Variants in ABLIM3 observed in about 807,000 individuals in gnomAD.
ABLIM3 encodes actin binding LIM protein family member 3, also known as actin-binding LIM protein 3.
ABLIM3 carries 61 observed loss-of-function variants against 109.5 expected under a neutral mutation model. The ratio of observed to expected loss-of-function variants is 0.56; its 90% CI spans 0.45 to 0.69. The LOEUF is 0.69. ABLIM3 is among the 30% of genes least tolerant of loss of function. The pLI is 0.00. For synonymous variants in ABLIM3, 300 were observed against 324.8 expected, an observed-to-expected ratio of 0.92 and a Z score of 0.82; for missense variants, 796 against 889.5, an observed-to-expected ratio of 0.89 and a Z score of 1.34.
At chr5:149,168,838 T>C (rs1242382289) in intron 2 of ABLIM3, among the ~76,000 whole-genome samples, 1 of 152,142 alleles carries the variant, frequency 6.6e-6, no homozygotes, top group Non-Finnish European at 1.5e-5. Flanking sequence ...GTGAAGATCT[T>C]CTTTCTAGTC....
At chr5:149,148,967 A>T (rs1561530750) in intron 2 of ABLIM3, among the ~76,000 whole-genome samples, 1 of 152,228 alleles carries the variant, frequency 6.6e-6, no homozygotes, top group East Asian at 1.9e-4. Flanking sequence ...TACTGCTCCT[A>T]CTCATTTTAT....
intron 7 of ABLIM3, among the ~76,000 whole-genome samples, chr5:149,212,153 A>G (rs1480126593): frequency 6.6e-6 from 1 of 152,248 alleles, no homozygotes; most frequent in Non-Finnish European, 1.5e-5. Context: ...AAGGACTAAC[A>G]TGATAAGATC....
intron 21 of ABLIM3, 122 bp from the exon 22 acceptor site, chr5:149,252,079 T>A (rs1209917254): frequency 3.3e-5 from 37 of 1,113,918 alleles, no homozygotes; most frequent in Middle Eastern, 2.1e-4. Flanking sequence ...TCTCTGATGG[T>A]CAAGAGAAGG....
rs543606439 is a variant in ABLIM3 at position 149,176,120 on chromosome 5, T to C, written c.14-7332T>C. On this transcript the variant is annotated intron_variant, in intron 2 of 23. Coordinates refer to ENST00000309868, the MANE Select transcript of ABLIM3 (RefSeq NM_014945.5). Reference sequence around the variant, plus strand: ...CAGAGGACTCGTACTTCCACCCTGCTGCAGCTGCCAACACCTGCAGCACTT... The same window carrying C: ...CAGAGGACTCGTACTTCCACCCTGCCGCAGCTGCCAACACCTGCAGCACTT... Among the ~76,000 whole-genome samples the C allele has an allele frequency of 1.3e-4, 20 of 152,282 alleles. No homozygotes were observed. The East Asian group carries it at 3.9e-3, about 29-fold the overall frequency.
chr5:149,209,679 G>A (rs74924414), intron 6 of ABLIM3, among the ~76,000 whole-genome samples: 6 of 152,140 alleles, frequency 3.9e-5, no homozygotes, highest in African/African-American at 1.4e-4. Flanking sequence ...CTACCCTCCC[G>A]CACCCACAGA....
At chr5:149,179,849 G>A (rs1399045026) in intron 2 of ABLIM3, among the ~76,000 whole-genome samples, 1 of 152,128 alleles carries the variant, frequency 6.6e-6, no homozygotes, top group Non-Finnish European at 1.5e-5. Flanking sequence ...GTGCCCAGTG[G>A]TCACCTGTGA....
At chr5:149,175,553 G>A (rs1007770881) in intron 2 of ABLIM3, among the ~76,000 whole-genome samples, 1 of 152,050 alleles carries the variant, frequency 6.6e-6, no homozygotes, top group African/African-American at 2.4e-5. Flanking sequence ...TTTGAAAGAG[G>A]CCCTGTGCTG....
intron 8 of ABLIM3, chr5:149,220,416 A>G (rs1485462356): frequency 6.6e-6 from 1 of 152,196 alleles, no homozygotes; most frequent in African/African-American, 2.4e-5. Flanking sequence ...CCTTCTCATT[A>G]ATTATCCCCA....
At chr5:149,192,827 G>GA (rs1229710242) in intron 3 of ABLIM3, among the ~76,000 whole-genome samples, 1 of 144,748 alleles carries the variant, frequency 6.9e-6, no homozygotes, top group Non-Finnish European at 1.5e-5. Context: ...TTCCTAAAAA[G>GA]AAAAAAATAA....
At chr5:149,218,296 G>A (rs1477691978) in intron 8 of ABLIM3, 9 of 152,280 alleles carry the variant, frequency 5.9e-5, no homozygotes, top group Non-Finnish European at 1.2e-4. Flanking sequence ...TCCACATGGT[G>A]GAAGGGGCAA....
chr5:149,224,221 C>G (rs1169803945), intron 8 of ABLIM3, among the ~76,000 whole-genome samples: 1 of 152,124 alleles, frequency 6.6e-6, no homozygotes, highest in African/African-American at 2.4e-5. Flanking sequence ...TAGGGCCTGG[C>G]ACATACTAAG....
chr5:149,197,477 A>C (rs781125249), intron 3 of ABLIM3, among the ~76,000 whole-genome samples: 1 of 152,036 alleles, frequency 6.6e-6, no homozygotes, highest in Non-Finnish European at 1.5e-5. Context: ...CATTTTTTCT[A>C]TATGATCTTC....
intron 2 of ABLIM3, among the ~76,000 whole-genome samples, chr5:149,170,985 T>G (rs1168582468): frequency 1.3e-5 from 2 of 152,234 alleles, no homozygotes; most frequent in Non-Finnish European, 2.9e-5. Flanking sequence ...TTCCCTAATT[T>G]TTCTTTCTCT....
At chr5:149,164,302 T>G (rs1754638835) in intron 2 of ABLIM3, 1 of 152,172 alleles carries the variant, frequency 6.6e-6, no homozygotes, top group African/African-American at 2.4e-5. Flanking sequence ...AAAACTTAAC[T>G]CCTCAGCTCA....
chr5:149,233,249 C>T lies in ABLIM3; in HGVS notation c.837C>T (p.Thr279=). The change falls in exon 10 of 24, where the codon ACC becomes ACT. Residue 279 remains threonine, a synonymous_variant. Transcript: ENST00000309868. ...CACAGCATAGACGGACATCTGAAAC[C>T]TCCATCTCACCCCCTGGATCCAGCA... ...KKLKHRRTSE[T]SISPPGSSIG... 1 of 1,614,208 alleles carries T rather than the reference C, an allele frequency of 6.2e-7. No individual in the cohort carries two copies. Among genetic ancestry groups the T allele is most frequent in the African/African-American group, 1.3e-5 (1 of 75,052 alleles).
chr5:149,250,606 G>A lies in ABLIM3; in HGVS notation c.1788+101G>A, dbSNP rs115658059. The A allele has an allele frequency of 5.2e-4, 717 of 1,389,694 alleles. 3 individuals carry two copies. The African/African-American group carries it at 8.2e-3, about 16-fold the overall frequency. The allele number at this position is 1,389,694 out of a possible 1,614,324, so 86.1% of individuals were successfully genotyped here. On this transcript the variant is annotated intron_variant, in intron 20 of 23. Transcript: ENST00000309868. ...AGGTGAAACCTGAGCAAAGGTCCTG[G>A]GGCTAGTGGTGGGTTAACTGACACA...
chr5:149,159,305 A>G (rs1754117680), intron 2 of ABLIM3, among the ~76,000 whole-genome samples: 1 of 152,228 alleles, frequency 6.6e-6, no homozygotes, highest in Non-Finnish European at 1.5e-5. Context: ...TTCCATTTAT[A>G]TGGAATTCAA....
At chr5:149,190,636 C>T (rs1431426507) in intron 3 of ABLIM3, among the ~76,000 whole-genome samples, 12 of 152,138 alleles carry the variant, frequency 7.9e-5, no homozygotes, top group East Asian at 1.9e-4. Flanking sequence ...GTTGTTATCA[C>T]GCCACTGCAC....
chr5:149,217,257 C>T (rs966655899), intron 8 of ABLIM3: 9 of 590,180 alleles, frequency 1.5e-5, no homozygotes, highest in Non-Finnish European at 2.2e-5. Flanking sequence ...ATCTGCCTTC[C>T]GTCTCTGTGC....
Sources: gnomAD v4.1 joint callset for allele counts (sites outside exome capture counted in the v4.1 genomes callset) on GRCh38, gnomAD v4.1.1 for gene constraint, MANE v1.5 for transcripts, NCBI Gene and HGNC (gene_info 2026-07-23, HGNC 2026-07-21) for gene names.